UGT1A10: variants seen among roughly 807,000 people sequenced by gnomAD.
UGT1A10 encodes the protein UDP-glucuronosyltransferase 1A10.
In UGT1A10, 49 loss-of-function variants were observed where a neutral mutation model predicts 45.8. The ratio of observed to expected loss-of-function variants is 1.07; its 90% CI spans 0.85 to 1.36. The LOEUF (loss-of-function observed/expected upper bound fraction) is 1.36. Among genes scored for constraint, UGT1A10 ranks in the 40% most tolerant of loss-of-function variants. The pLI, the probability that UGT1A10 is intolerant of heterozygous loss-of-function variation, is 0.00. For missense variants in UGT1A10, 745 were observed against 668.6 expected (o/e 1.11, Z -1.26); for synonymous variants, 284 against 249.7 (o/e 1.14, Z -1.29).
At chr2:233,747,385 C>G in intron 1 of UGT1A10, 2 of 1,604,764 alleles carry the variant, frequency 1.2e-6, no homozygotes, top group East Asian at 4.5e-5. Flanking sequence ...GGCCACCAGG[C>G]GGTGGTCCTC....
intron 1 of UGT1A10, among the ~76,000 whole-genome samples, chr2:233,746,471 A>G (rs538596800): frequency 6.6e-6 from 1 of 151,696 alleles, no homozygotes; most frequent in Non-Finnish European, 1.5e-5. Context: ...GGGTTCCAGA[A>G]ACACTTTCCA....
At chr2:233,747,962 C>A (rs780665543) in intron 1 of UGT1A10, 1 of 1,613,470 alleles carries the variant, frequency 6.2e-7, no homozygotes, top group Middle Eastern at 1.7e-4. Flanking sequence ...ATCTTCTCAG[C>A]CATGCATCTG....
At chr2:233,690,658 C>A in intron 1 of UGT1A10, 1 of 1,280,632 alleles carries the variant, frequency 7.8e-7, no homozygotes, top group Admixed American at 2.4e-5. Context: ...CCTACAGCAC[C>A]AACCAGGGCA....
chr2:233,641,771 G>A (rs899618137), intron 1 of UGT1A10, among the ~76,000 whole-genome samples: 1 of 152,126 alleles, frequency 6.6e-6, no homozygotes. Context: ...ATTTTCACCA[G>A]ATATACTATT....
At chr2:233,747,812 C>A (rs1693783784) in intron 1 of UGT1A10, 1 of 1,613,462 alleles carries the variant, frequency 6.2e-7, no homozygotes, top group Non-Finnish European at 8.5e-7. Context: ...TACTAACGAC[C>A]AATTCAGACC....
chr2:233,699,767 G>A (rs563489772), intron 1 of UGT1A10, among the ~76,000 whole-genome samples: 2 of 152,322 alleles, frequency 1.3e-5, no homozygotes, highest in South Asian at 4.1e-4. Context: ...CTCAGGACTA[G>A]TTCTGTTCCC....
At chr2:233,745,063 T>C (rs1693001663) in intron 1 of UGT1A10, among the ~76,000 whole-genome samples, 1 of 151,886 alleles carries the variant, frequency 6.6e-6, no homozygotes, top group African/African-American at 2.4e-5. Flanking sequence ...ATTTGTATTA[T>C]TTGTATTGTT....
At chr2:233,728,309 T>C (rs1025928901) in intron 1 of UGT1A10, among the ~76,000 whole-genome samples, 4 of 152,178 alleles carry the variant, frequency 2.6e-5, no homozygotes, top group African/African-American at 9.6e-5. Flanking sequence ...CTGTGCAAGA[T>C]CTGAGGCCAG....
intron 1 of UGT1A10, among the ~76,000 whole-genome samples, chr2:233,657,095 C>T (rs923941594): frequency 1.3e-5 from 2 of 152,080 alleles, no homozygotes; most frequent in African/African-American, 4.8e-5. Context: ...ATGTGATACC[C>T]AACACAATAC....
At chr2:233,662,513 T>G (rs1221156981) in intron 1 of UGT1A10, among the ~76,000 whole-genome samples, 1 of 152,250 alleles carries the variant, frequency 6.6e-6, no homozygotes, top group Non-Finnish European at 1.5e-5. Context: ...CTAAACTTAC[T>G]TATTTGTTCT....
At chr2:233,660,548 T>G (rs2073941998) in intron 1 of UGT1A10, among the ~76,000 whole-genome samples, 1 of 152,206 alleles carries the variant, frequency 6.6e-6, no homozygotes. Flanking sequence ...GCCTTCTTGT[T>G]CTACAACAAA....
chr2:233,762,837 TAGGC>T (rs1698177979), intron 1 of UGT1A10, among the ~76,000 whole-genome samples: 1 of 152,150 alleles, frequency 6.6e-6, no homozygotes, highest in South Asian at 2.1e-4. Context: ...TAAAAAATAA[TAGGC>T]AGTCATTTGC....
At chr2:233,740,329 G>C (rs1400491740) in intron 1 of UGT1A10, among the ~76,000 whole-genome samples, 1 of 151,932 alleles carries the variant, frequency 6.6e-6, no homozygotes, top group Admixed American at 6.5e-5. Context: ...TGCATTTATT[G>C]AGAAAGTTGA....
chr2:233,703,735 G>A (rs1441976510), intron 1 of UGT1A10, among the ~76,000 whole-genome samples: 1 of 150,928 alleles, frequency 6.6e-6, no homozygotes, highest in Admixed American at 6.6e-5. Flanking sequence ...ACTTTTTTTT[G>A]TTTTTAAATC....
chr2:233,738,287 A>T, intron 1 of UGT1A10, among the ~76,000 whole-genome samples: 1 of 152,330 alleles, frequency 6.6e-6, no homozygotes, highest in South Asian at 2.1e-4. Flanking sequence ...TAAATTACCC[A>T]GTCTTGGGTA....
rs751268056 is a variant in UGT1A10 at position 233,671,946 on chromosome 2, A to G, written c.855+34569A>G. ...GCTGCAGTTCTCTGATGGCTTGCAC[A>G]GGGTGGACCAGCCCCCTTCCTCTAT... On this transcript the variant is annotated intron_variant, in intron 1 of 4. Coordinates refer to ENST00000344644, the MANE Select transcript of UGT1A10 (RefSeq NM_019075.4). 5 of 1,610,878 alleles carry G rather than the reference A, an allele frequency of 3.1e-6. No individual in the cohort carries two copies. In the African/African-American group the frequency reaches 6.7e-5, roughly 22 times the overall value.
chr2:233,685,948 A>G (rs1322463324), intron 1 of UGT1A10, among the ~76,000 whole-genome samples: 1 of 152,228 alleles, frequency 6.6e-6, no homozygotes, highest in Non-Finnish European at 1.5e-5. Flanking sequence ...AAAGTCTTTT[A>G]TATGTAGATC....
intron 1 of UGT1A10, among the ~76,000 whole-genome samples, chr2:233,695,975 T>G (rs548807201): frequency 6.6e-6 from 1 of 152,328 alleles, no homozygotes; most frequent in South Asian, 2.1e-4. Context: ...AATTCAGTTC[T>G]GAAGATGTCC....
chr2:233,678,778 T>A (rs912821859), intron 1 of UGT1A10, among the ~76,000 whole-genome samples: 2 of 152,200 alleles, frequency 1.3e-5, no homozygotes, highest in Non-Finnish European at 2.9e-5. Flanking sequence ...ATTGATTCCC[T>A]GAGTGTGGCA....
Sources: gnomAD v4.1 joint callset for allele counts (sites outside exome capture counted in the v4.1 genomes callset) on GRCh38, gnomAD v4.1.1 for gene constraint, MANE v1.5 for transcripts, NCBI Gene and HGNC (gene_info 2026-07-23, HGNC 2026-07-21) for gene names.